Variants in LEMD3 observed in about 807,000 individuals in gnomAD.
The protein encoded by LEMD3 is inner nuclear membrane protein Man1.
LEMD3 carries 33 observed loss-of-function variants against 95.2 expected under a neutral mutation model. That is an observed-to-expected ratio of 0.35 (90% confidence interval 0.26 to 0.46). The LOEUF (loss-of-function observed/expected upper bound fraction) is 0.46. Among genes scored for constraint, LEMD3 ranks in the 20% least tolerant of loss-of-function variants. LEMD3 has a pLI of 1.00. For missense variants in LEMD3, 1,210 were observed against 1,192.8 expected, an observed-to-expected ratio of 1.01 and a Z score of -0.21; for synonymous variants, 525 against 474.6, an observed-to-expected ratio of 1.11 and a Z score of -1.38.
Position 65,170,751 on chromosome 12 carries a change from C to G in LEMD3, c.1155C>G (p.Ser385=). The change falls in exon 1 of 13, where the codon TCC becomes TCG. Residue 385 remains serine, a synonymous_variant. Transcript: ENST00000308330. ...CAACCTTGGATTCGTCAACAGGCTC[C>G]CTTCTGAAAACCAATAATCATATTG... ...MDSTLDSSTG[S]LLKTNNHIGG... is the part of the protein sequence containing the mutation. 1 of 1,614,218 alleles carries G rather than the reference C, an allele frequency of 6.2e-7. No homozygotes were observed. The highest frequency in any genetic ancestry group is 1.3e-5 in the African/African-American group (1 of 75,050).
intron 1 of LEMD3, among the ~76,000 whole-genome samples, chr12:65,191,844 G>A (rs750857554): frequency 2.0e-5 from 3 of 146,690 alleles, no homozygotes; most frequent in Non-Finnish European, 3.0e-5. Flanking sequence ...AAAATCGCTC[G>A]AACCTGGGAG....
At chr12:65,213,007 A>C (rs974517736) in intron 2 of LEMD3, among the ~76,000 whole-genome samples, 1 of 152,208 alleles carries the variant, frequency 6.6e-6, no homozygotes, top group Non-Finnish European at 1.5e-5. Flanking sequence ...TTCTTTCTCA[A>C]AATGTGTTCA....
intron 9 of LEMD3, 29 bp downstream of exon 9, chr12:65,241,116 A>G: frequency 6.3e-7 from 1 of 1,587,746 alleles, no homozygotes. Flanking sequence ...CAAAAAAGTA[A>G]TTTTCTTCTA....
chr12:65,194,617 G>A (rs1869351583), intron 1 of LEMD3, among the ~76,000 whole-genome samples: 1 of 152,006 alleles, frequency 6.6e-6, no homozygotes, highest in Admixed American at 6.6e-5. Context: ...GCTAGTCTTA[G>A]GCTCTACAAT....
chr12:65,233,674 A>G (rs1592459772), intron 4 of LEMD3, among the ~76,000 whole-genome samples: 1 of 152,180 alleles, frequency 6.6e-6, no homozygotes, highest in African/African-American at 2.4e-5. Context: ...TTCATAAACT[A>G]TCCATATTAG....
chr12:65,207,151 C>T (rs75936029), intron 1 of LEMD3, among the ~76,000 whole-genome samples: 3 of 152,010 alleles, frequency 2.0e-5, no homozygotes, highest in African/African-American at 4.8e-5. Context: ...TTATTCCTGG[C>T]GCGTATTAGG....
At chr12:65,206,997 A>G (rs1025618443) in intron 1 of LEMD3, among the ~76,000 whole-genome samples, 8 of 152,062 alleles carry the variant, frequency 5.3e-5, no homozygotes, top group African/African-American at 1.9e-4. Context: ...TTTAATCCCA[A>G]CTTACTAAAT....
Position 65,238,476 on chromosome 12 carries a change from TTATTTTTCTC to T in LEMD3, c.1696-16_1696-7del, listed in dbSNP as rs1256551692. 7 of 1,414,756 alleles carry T rather than the reference TTATTTTTCTC, an allele frequency of 4.9e-6. No homozygotes were observed. The highest frequency in any genetic ancestry group is 6.0e-6 in the Non-Finnish European group (6 of 999,604). The allele number at this position is 1,414,756 out of a possible 1,614,324, so 87.6% of individuals were successfully genotyped here. On this transcript the variant is annotated splice_polypyrimidine_tract_variant and intron_variant, in intron 4 of 12. Coordinates refer to ENST00000308330, the MANE Select transcript of LEMD3 (RefSeq NM_014319.5). ...AGAGTCGAATGTAGATTAAGAATAGTTATTTTTCTCTATTTTTCTTGTTAGGATTTAGGTC... is the reference window on the plus strand; with the variant it reads ...AGAGTCGAATGTAGATTAAGAATAGTTATTTTTCTTGTTAGGATTTAGGTC...
chr12:65,202,657 A>G (rs1055119037), intron 1 of LEMD3, among the ~76,000 whole-genome samples: 5 of 152,098 alleles, frequency 3.3e-5, no homozygotes, highest in Non-Finnish European at 7.4e-5. Context: ...TTTTCTTTAA[A>G]TCTTTGGAAG....
At position 65,248,114 on chromosome 12, in the gene LEMD3, T is replaced by C. The variant is rs1871170080; in HGVS notation, c.*1789T>C. 1 of 152,488 alleles carries C rather than the reference T, an allele frequency of 6.6e-6. No individual in the cohort carries two copies. The highest frequency in any genetic ancestry group is 1.5e-5 in the Non-Finnish European group (1 of 67,980). The allele number at this position is 152,488 out of a possible 1,614,324, so 9.4% of individuals were successfully genotyped here. On this transcript the variant is annotated 3_prime_UTR_variant, in exon 13 of 13. Coordinates refer to ENST00000308330, the MANE Select transcript of LEMD3 (RefSeq NM_014319.5). ...ATCTTTTTCTTGCTTCTAAAACATA[T>C]TTCATGTAAACATTGTACATTTATT... is the stretch of plus-strand genomic sequence containing the variant.
chr12:65,185,043 C>T (rs779411122), intron 1 of LEMD3, among the ~76,000 whole-genome samples: 18 of 151,994 alleles, frequency 1.2e-4, no homozygotes, highest in African/African-American at 4.1e-4. Flanking sequence ...AGTAATTACT[C>T]GGGCCTTGGG....
At position 65,243,468 on chromosome 12, in the gene LEMD3, A is replaced by T. The variant is rs200170180; in HGVS notation, c.2386A>T (p.Met796Leu). Residue 796 changes from methionine (M) to leucine (L), a missense_variant and splice_region_variant, in exon 10 of 13, where the codon ATG becomes TTG. Physicochemically the swap from Met to Leu is conservative, Grantham distance 15. Coordinates refer to ENST00000308330, the MANE Select transcript of LEMD3 (RefSeq NM_014319.5). ...LKIRNMFDPV[M>L]EIGDQWHLAI... ...GATTCGGAATATGTTTGATCCCGTT[A>T]TGTAAGTATTATGATCAGGGGTACA... 135 of 1,554,992 alleles carry T rather than the reference A, an allele frequency of 8.7e-5. No homozygotes were observed. The highest frequency in any genetic ancestry group is 2.8e-5 in the Non-Finnish European group (31 of 1,126,510).
Position 65,184,935 on chromosome 12 carries a change from C to G in LEMD3, c.1522+13817C>G, listed in dbSNP as rs1289948379. On this transcript the variant is annotated intron_variant, in intron 1 of 12. Transcript: ENST00000308330. ...TCACATATCCTCTTCTCCTTTCTCT[C>G]TTTACTAAGTTCCAACTCCCCCTAT... Among the ~76,000 whole-genome samples, 4 of 152,200 alleles carry G rather than the reference C, an allele frequency of 2.6e-5. No individual in the cohort carries two copies. The South Asian group carries it at 6.2e-4, about 24-fold the overall frequency.
chr12:65,192,050 C>T (rs1869260979), intron 1 of LEMD3, among the ~76,000 whole-genome samples: 1 of 148,726 alleles, frequency 6.7e-6, no homozygotes, highest in Admixed American at 6.7e-5. Context: ...GTAATACCTA[C>T]TGATTTAACC....
At position 65,238,488 on chromosome 12, in the gene LEMD3, A is replaced by G. The variant is rs370322176; in HGVS notation, c.1696-14A>G. 2 of 1,524,904 alleles carry G rather than the reference A, an allele frequency of 1.3e-6. No individual in the cohort carries two copies. Among genetic ancestry groups the G allele is most frequent in the Non-Finnish European group, 1.8e-6 (2 of 1,099,744 alleles). The allele number at this position is 1,524,904 out of a possible 1,614,324, so 94.5% of individuals were successfully genotyped here. ...AGATTAAGAATAGTTATTTTTCTCTATTTTTCTTGTTAGGATTTAGGTCCT... is the reference window on the plus strand; with the variant it reads ...AGATTAAGAATAGTTATTTTTCTCTGTTTTTCTTGTTAGGATTTAGGTCCT... On this transcript the variant is annotated splice_polypyrimidine_tract_variant and intron_variant, in intron 4 of 12. Transcript: ENST00000308330.
chr12:65,219,769 G>T (rs1028750875), intron 4 of LEMD3, among the ~76,000 whole-genome samples: 23 of 152,196 alleles, frequency 1.5e-4, no homozygotes, highest in Admixed American at 1.5e-3. Context: ...CCATCAGTGT[G>T]ATTAACAGAT....
At chr12:65,175,782 T>C (rs1868701591) in intron 1 of LEMD3, among the ~76,000 whole-genome samples, 1 of 152,224 alleles carries the variant, frequency 6.6e-6, no homozygotes, top group African/African-American at 2.4e-5. Context: ...GGTATACCTA[T>C]TTGTTTACTA....
chr12:65,187,839 G>T (rs1292649535), intron 1 of LEMD3, among the ~76,000 whole-genome samples: 1 of 152,096 alleles, frequency 6.6e-6, no homozygotes, highest in Non-Finnish European at 1.5e-5. Flanking sequence ...TCTAGGGAAG[G>T]TTCTGAGTTC....
At position 65,248,331 on chromosome 12, in the gene LEMD3, T is replaced by A. The variant is rs1303549950; in HGVS notation, c.*2006T>A. On this transcript the variant is annotated 3_prime_UTR_variant, in exon 13 of 13. Transcript: ENST00000308330. ...AATTAAAAATTTATTAGTTTTTTTT[T>A]ATGTGTCTTGGCTTTTTAAAAACAT... 2 of 152,154 alleles carry A rather than the reference T, an allele frequency of 1.3e-5. No homozygotes were observed. Among genetic ancestry groups the A allele is most frequent in the African/African-American group, 2.4e-5 (1 of 41,454 alleles). 9.4% of individuals were successfully genotyped at this position (152,154 alleles called of 1,614,324 possible).
Sources: gnomAD v4.1 joint callset for allele counts (sites outside exome capture counted in the v4.1 genomes callset) on GRCh38, gnomAD v4.1.1 for gene constraint, MANE v1.5 for transcripts, NCBI Gene and HGNC (gene_info 2026-07-23, HGNC 2026-07-21) for gene names.